Variants in CTCFL observed in about 807,000 individuals in gnomAD.
The protein encoded by CTCFL is transcriptional repressor CTCFL.
CTCFL carries 36 observed loss-of-function variants against 67.4 expected under a neutral mutation model. The observed-to-expected ratio is 0.53, with a 90% confidence interval of 0.41 to 0.71. The LOEUF is 0.71. Among genes scored for constraint, CTCFL ranks in the 30% least tolerant of loss-of-function variants. CTCFL has a pLI of 0.00. For missense variants in CTCFL, 786 were observed against 835.2 expected (o/e 0.94, Z 0.73); for synonymous variants, 324 against 302.3 (o/e 1.07, Z -0.75).
At chr20:57,515,635 C>T (rs1403671279) in intron 6 of CTCFL, 79 bp downstream of exon 6, 4 of 1,576,910 alleles carry the variant, frequency 2.5e-6, no homozygotes, top group Non-Finnish European at 3.5e-6. Context: ...TTTAATTGTG[C>T]CAATAAAAAG....
rs544490844 is a variant in CTCFL, at chr20:57,514,487, G to A, written c.1330+105C>T. The A allele has an allele frequency of 5.1e-6, 7 of 1,367,440 alleles. No homozygotes were observed. In the South Asian group the frequency reaches 6.9e-5, roughly 14 times the overall value. 84.7% of individuals were successfully genotyped at this position (1,367,440 alleles called of 1,614,324 possible). The stretch of plus-strand genomic sequence containing the variant: ...TTCGTCCCAGGGCCAAGTTCCCGAA[G>A]ACCGGGCCTCCCAGTATCAGGGCCA... On this transcript the variant is annotated intron_variant, in intron 7 of 10. Coordinates refer to ENST00000243914, the MANE Select transcript of CTCFL (RefSeq NM_001386993.1).
rs1335792338 is a variant in CTCFL, at chr20:57,523,116, C to T, written c.706G>A (p.Ala236Thr). The T allele has an allele frequency of 6.2e-7, 1 of 1,613,808 alleles. No individual in the cohort carries two copies. The highest frequency in any genetic ancestry group is 8.5e-7 in the Non-Finnish European group (1 of 1,180,002). ...GTAGATTTGGCCTTTTCAGCATCTG[C>T]TTGACCAGCTGTAGGTTGATCCTCT... The part of the protein sequence containing the change: ...EQEDQPTAGQ[A>T]DAEKAKSTKN... The change falls in exon 3 of 11, where the codon GCA (alanine) becomes ACA (threonine). Residue 236 changes from alanine (A) to threonine (T), a missense_variant. This residue lies in a region of CTCFL where 333 missense variants were observed against 304.6 expected (regional missense o/e 1.09). Coordinates refer to ENST00000243914, the MANE Select transcript of CTCFL (RefSeq NM_001386993.1).
intron 9 of CTCFL, among the ~76,000 whole-genome samples, chr20:57,505,749 G>A (rs908090788): frequency 6.6e-6 from 1 of 152,148 alleles, no homozygotes; most frequent in South Asian, 2.1e-4. Context: ...ACAACATTCA[G>A]GAATAAAAGC....
intron 7 of CTCFL, among the ~76,000 whole-genome samples, chr20:57,514,360 G>T (rs6092492): frequency 0.05 from 7,668 of 152,210 alleles, 637 homozygotes; most frequent in African/African-American, 0.18. Flanking sequence ...GTCTTATCAC[G>T]TGCATACGGA....
intron 7 of CTCFL, chr20:57,513,566 C>A: frequency 9.0e-7 from 1 of 1,108,942 alleles, no homozygotes; most frequent in African/African-American, 1.7e-5. Context: ...GTTACTTTGC[C>A]ATGGTGTCAA....
Position 57,524,165 on chromosome 20 carries a change from G to A in CTCFL, c.41C>T (p.Thr14Ile). 6.2e-7 allele frequency: 1 copy of A among 1,613,424 alleles called. No individual in the cohort carries two copies. The highest frequency in any genetic ancestry group is 1.1e-5 in the South Asian group (1 of 91,070). Residue 14 changes from threonine (T) to isoleucine (I), a missense_variant, in exon 2 of 11, where the codon ACC becomes ATC. Physicochemically the swap from Thr to Ile is moderately conservative, Grantham distance 89. Coordinates refer to ENST00000243914, the MANE Select transcript of CTCFL (RefSeq NM_001386993.1). ...TEISVLSEQF[T>I]KIKELELMPE... is the part of the protein sequence containing the mutation. ...CATCAACTCGAGTTCTTTGATCTTG[G>A]TGAATTGCTCAGAAAGGACAGAGAT...
intron 6 of CTCFL, chr20:57,515,248 G>T (rs140099122): frequency 0.05 from 8,461 of 167,992 alleles, 243 homozygotes; most frequent in Middle Eastern, 0.085. Context: ...GGGTTCAAGT[G>T]ATTCTCCTGC....
chr20:57,514,310 T>C (rs1347556392), intron 7 of CTCFL, among the ~76,000 whole-genome samples: 1 of 152,110 alleles, frequency 6.6e-6, no homozygotes, highest in Non-Finnish European at 1.5e-5. Flanking sequence ...ATCTGAAAAA[T>C]AGGCCCAATG....
In CTCFL at chr20:57,503,446, C is replaced by G. The variant is rs139664564; in HGVS notation, c.1830G>C (p.Ala610=). 6.2e-7 allele frequency: 1 copy of G among 1,614,146 alleles called. No homozygotes were observed. The highest frequency in any genetic ancestry group is 8.5e-7 in the Non-Finnish European group (1 of 1,180,006). ...KEAAKGWKEA[A]NGDEAAAEEA... ...GCGTAAAATCAGTACCGTCTCCGTT[C>G]GCGGCTTCCTTCCATCCCTTCGCAG... Residue 610 remains alanine (A), a synonymous_variant, in exon 10 of 11, where the codon GCG becomes GCC. Transcript: ENST00000243914.
chr20:57,515,489 C>A lies in CTCFL; in HGVS notation c.1180+225G>T, dbSNP rs143234259. 4 of 533,572 alleles carry A rather than the reference C, an allele frequency of 7.5e-6. No homozygotes were observed. In the East Asian group the frequency reaches 1.4e-4, roughly 18 times the overall value. The allele number at this position is 533,572 out of a possible 1,614,324, so 33.1% of individuals were successfully genotyped here. ...CCTGAAAAATCTACGGAAGCAAATA[C>A]TTTGTGTTTTACTCCACACAGTGGG... is the stretch of plus-strand genomic sequence containing the variant. On this transcript the variant is annotated intron_variant, in intron 6 of 10. Transcript: ENST00000243914.
At chr20:57,507,410 C>A in intron 9 of CTCFL, 4 of 602,758 alleles carry the variant, frequency 6.6e-6, no homozygotes, top group South Asian at 3.9e-5. Context: ...GTTGGCCAGG[C>A]TGGTCTTGAG....
rs903580865 is a variant in CTCFL at position 57,519,006 on chromosome 20, G to A, written c.926-115C>T. 1.0e-5 allele frequency: 13 copies of A among 1,302,708 alleles called. No individual in the cohort carries two copies. The East Asian group carries it at 2.9e-4, about 29-fold the overall frequency. 80.7% of individuals were successfully genotyped at this position (1,302,708 alleles called of 1,614,324 possible). ...AAAAATGCTTTAAAAATTAAGAAGA[G>A]GCTCCTTAAACTATAAATACCACAG... On this transcript the variant is annotated intron_variant, in intron 4 of 10. Transcript: ENST00000243914.
chr20:57,499,832 A>C (rs981893352), intron 10 of CTCFL: 1 of 313,472 alleles, frequency 3.2e-6, no homozygotes, highest in South Asian at 1.2e-4. Context: ...CAGGAGGCGG[A>C]GCTCAGGCGG....
In CTCFL at chr20:57,523,730, T is replaced by C. The variant is rs1188226086; in HGVS notation, c.476A>G (p.Asn159Ser). 6.2e-7 allele frequency: 1 copy of C among 1,613,378 alleles called. No individual in the cohort carries two copies. Among genetic ancestry groups the C allele is most frequent in the East Asian group, 2.2e-5 (1 of 44,886 alleles). ...EVLQFHALEE[N>S]VMVASEDSKL... Reference sequence around the variant, plus strand: ...ACTGTCTTCACTGGCCACCATCACATTCTCCTCTAGAGCGTGGAACTGCAA... The same window carrying C: ...ACTGTCTTCACTGGCCACCATCACACTCTCCTCTAGAGCGTGGAACTGCAA... The change falls in exon 2 of 11, where the codon AAT becomes AGT. Residue 159 changes from asparagine (N) to serine (S), a missense_variant. Asn to Ser is a conservative substitution (Grantham distance 46, BLOSUM62 1). This residue lies in a region of CTCFL where 333 missense variants were observed against 304.6 expected (regional missense o/e 1.09). Transcript: ENST00000243914.
At chr20:57,524,883 CCCCGA>C (rs1177677921) in intron 1 of CTCFL, 140 bp downstream of exon 1, 10 of 454,002 alleles carry the variant, frequency 2.2e-5, no homozygotes, top group Middle Eastern at 1.1e-3. Flanking sequence ...CCACGCCCCG[CCCCGA>C]CCCGACCCTC....
At chr20:57,500,017 A>C in intron 10 of CTCFL, 1 of 986,560 alleles carries the variant, frequency 1.0e-6, no homozygotes, top group Non-Finnish European at 1.2e-6. Flanking sequence ...AGAGCGCCAC[A>C]CTGAAGAACG....
chr20:57,501,065 G>C (rs1006245404), intron 10 of CTCFL, among the ~76,000 whole-genome samples: 1 of 152,138 alleles, frequency 6.6e-6, no homozygotes, highest in Non-Finnish European at 1.5e-5. Context: ...AAATTTCACC[G>C]GTCTGTCTTC....
Position 57,519,262 on chromosome 20 carries a change from G to T in CTCFL, c.870C>A (p.Cys290Ter). The T allele has an allele frequency of 6.2e-7, 1 of 1,614,162 alleles. No homozygotes were observed. The highest frequency in any genetic ancestry group is 1.7e-5 in the Admixed American group (1 of 60,030). Residue 290 changes from cysteine (C) to a stop codon, truncating the protein, a stop_gained, in exon 4 of 11, where the codon TGC (cysteine) becomes TGA (stop). Coordinates refer to ENST00000243914, the MANE Select transcript of CTCFL (RefSeq NM_001386993.1). LOFTEE classifies it high-confidence loss of function. ...GAGTGACCGTACGGAAGGTTTTCAGGCAGAGGTGACACAGGTGAGGCTTCT... is the reference window on the plus strand; with the variant it reads ...GAGTGACCGTACGGAAGGTTTTCAGTCAGAGGTGACACAGGTGAGGCTTCT... ...TSEKPHLCHL[C>*]LKTFRTVTLL...
intron 9 of CTCFL, chr20:57,507,791 A>C (rs775917061): frequency 2.1e-5 from 15 of 702,904 alleles, no homozygotes; most frequent in Middle Eastern, 2.3e-4. Context: ...AACCCAGAGA[A>C]TCTGTCAGGT....
Sources: allele counts gnomAD v4.1 joint callset (sites outside exome capture counted in the v4.1 genomes callset), GRCh38; gene constraint gnomAD v4.1.1; regional missense constraint gnomAD v4.1.1; transcripts MANE v1.5; gene names NCBI Gene and HGNC (gene_info 2026-07-23, HGNC 2026-07-21).